Variants in SNX29 observed in about 807,000 individuals in gnomAD.
SNX29 encodes sorting nexin-29.
In SNX29, 78 loss-of-function variants were observed where a neutral mutation model predicts 102.1. The observed-to-expected ratio is 0.76, with a 90% CI of 0.64 to 0.92. The LOEUF (loss-of-function observed/expected upper bound fraction) is 0.92. SNX29 is among the 40% of genes least tolerant of loss of function. SNX29 has a pLI of 0.00. For synonymous variants in SNX29, 580 were observed against 414.5 expected (o/e 1.40, Z -4.85); for missense variants, 1,280 against 1,061.7 (o/e 1.21, Z -2.86).
At chr16:12,568,300 C>T (rs1489798524) in intron 20 of SNX29, among the ~76,000 whole-genome samples, 1 of 25,010 alleles carries the variant, frequency 4.0e-5, no homozygotes, top group East Asian at 6.6e-4. Context: ...CCTCGGAGTG[C>T]TGTTAAAAAA....
intron 19 of SNX29, among the ~76,000 whole-genome samples, chr16:12,479,229 T>C (rs1485333962): frequency 2.0e-5 from 3 of 152,234 alleles, no homozygotes; most frequent in African/African-American, 7.2e-5. Context: ...TGCCGTTCTA[T>C]CTTTTGACAA....
chr16:12,339,924 A>G (rs1596986515), intron 15 of SNX29, among the ~76,000 whole-genome samples: 3 of 152,310 alleles, frequency 2.0e-5, no homozygotes, highest in South Asian at 2.1e-4. Context: ...TCCCCAGATC[A>G]CTAGGAAGAG....
chr16:12,265,698 C>A (rs2078907003), intron 14 of SNX29, among the ~76,000 whole-genome samples: 1 of 60,634 alleles, frequency 1.6e-5, no homozygotes, highest in Admixed American at 2.1e-4. Context: ...TCAACTCTAC[C>A]AAAAAAAAAA....
intron 15 of SNX29, among the ~76,000 whole-genome samples, chr16:12,310,328 C>G (rs2080497113): frequency 1.3e-5 from 2 of 152,142 alleles, no homozygotes; most frequent in South Asian, 4.1e-4. Context: ...GGTTTTTATC[C>G]TAGAGAAAAG....
intron 20 of SNX29, among the ~76,000 whole-genome samples, chr16:12,541,928 A>G (rs1597847133): frequency 6.6e-6 from 1 of 152,192 alleles, no homozygotes; most frequent in South Asian, 2.1e-4. Flanking sequence ...TGCCCACGGT[A>G]CATCCTGGGC....
intron 14 of SNX29, among the ~76,000 whole-genome samples, chr16:12,200,932 G>C (rs1202716239): frequency 6.6e-6 from 1 of 152,216 alleles, no homozygotes; most frequent in East Asian, 1.9e-4. Context: ...AATGAATTCA[G>C]AGTTTCTAGT....
chr16:12,505,155 T>G (rs1487415070), intron 19 of SNX29, among the ~76,000 whole-genome samples: 3 of 152,224 alleles, frequency 2.0e-5, no homozygotes, highest in African/African-American at 7.2e-5. Flanking sequence ...GTGAATGTTT[T>G]TGGGTGGACA....
At chr16:12,563,082 A>G (rs2078821601) in intron 20 of SNX29, among the ~76,000 whole-genome samples, 1 of 150,348 alleles carries the variant, frequency 6.7e-6, no homozygotes, top group East Asian at 1.9e-4. Context: ...GAAATCCAGA[A>G]TGTTACATAG....
At chr16:12,541,980 G>A (rs1013190763) in intron 20 of SNX29, among the ~76,000 whole-genome samples, 2 of 152,174 alleles carry the variant, frequency 1.3e-5, no homozygotes, top group Non-Finnish European at 2.9e-5. Context: ...GACTTGGCTT[G>A]TCTTATGAGT....
At chr16:12,433,319 G>A (rs543467549) in intron 18 of SNX29, among the ~76,000 whole-genome samples, 5 of 152,114 alleles carry the variant, frequency 3.3e-5, no homozygotes, top group South Asian at 2.1e-4. Context: ...TTAGAAACTC[G>A]GCTCACAGGA....
intron 16 of SNX29, among the ~76,000 whole-genome samples, chr16:12,390,449 TG>T (rs2083489923): frequency 2.0e-5 from 3 of 152,188 alleles, no homozygotes; most frequent in African/African-American, 7.2e-5. Context: ...GACTGCTGTG[TG>T]GAGACTGTCT....
In SNX29 at chr16:11,979,485, C is replaced by T. The variant is rs1020545219; in HGVS notation, c.7+2672C>T. On this transcript the variant is annotated intron_variant, in intron 1 of 20. Coordinates refer to ENST00000566228, the MANE Select transcript of SNX29 (RefSeq NM_032167.5). The stretch of plus-strand genomic sequence containing the variant: ...GAATGCAGTTGAAAGTGGGTTTCCC[C>T]ACTTGTGGGGTGGGTAACTGGTACA... 2.6e-5 allele frequency among the ~76,000 whole-genome samples: 4 copies of T among 152,198 alleles called. No homozygotes were observed. The East Asian group carries it at 5.8e-4, about 22-fold the overall frequency.
chr16:12,364,217 T>TGTTAAGTTA (rs1567481923), intron 16 of SNX29, among the ~76,000 whole-genome samples: 1 of 149,070 alleles, frequency 6.7e-6, no homozygotes, highest in African/African-American at 2.5e-5. Context: ...TGTTATGTTA[T>TGTTAAGTTA]TTTTGTAGAG....
chr16:12,483,122 T>TTTTTTTG (rs2088039510), intron 19 of SNX29, among the ~76,000 whole-genome samples: 1 of 107,194 alleles, frequency 9.3e-6, no homozygotes, highest in Non-Finnish European at 1.8e-5. Context: ...AAGTTTTTTT[T>TTTTTTTG]TTTTTTTTTT....
At chr16:12,363,433 C>A (rs2082363036) in intron 16 of SNX29, among the ~76,000 whole-genome samples, 1 of 152,174 alleles carries the variant, frequency 6.6e-6, no homozygotes, top group Non-Finnish European at 1.5e-5. Flanking sequence ...GTTCGAGTGA[C>A]TCAGGGTCAG....
At chr16:12,227,899 T>TAAAAAAAA (rs59381762) in intron 14 of SNX29, among the ~76,000 whole-genome samples, 1 of 71,558 alleles carries the variant, frequency 1.4e-5, no homozygotes, top group African/African-American at 6.2e-5. Flanking sequence ...GACTCTGTCT[T>TAAAAAAAA]AAAAAAAAAA....
chr16:12,148,180 G>A (rs970398298), intron 13 of SNX29, among the ~76,000 whole-genome samples: 7 of 152,220 alleles, frequency 4.6e-5, no homozygotes, highest in South Asian at 2.1e-4. Context: ...TCTGAGACCC[G>A]AGAGAGCTCC....
intron 15 of SNX29, among the ~76,000 whole-genome samples, chr16:12,346,741 G>C (rs1452433437): frequency 1.3e-5 from 2 of 152,194 alleles, no homozygotes; most frequent in African/African-American, 2.4e-5. Context: ...CACCAGGAAG[G>C]TGTTGGCTGC....
At chr16:12,224,881 C>G (rs151236596) in intron 14 of SNX29, among the ~76,000 whole-genome samples, 52 of 152,216 alleles carry the variant, frequency 3.4e-4, no homozygotes, top group African/African-American at 1.1e-3. Context: ...ACTGTGGATT[C>G]AGATCTGTGG....
Sources: allele counts gnomAD v4.1 joint callset (sites outside exome capture counted in the v4.1 genomes callset), GRCh38; gene constraint gnomAD v4.1.1; transcripts MANE v1.5; gene names NCBI Gene and HGNC (gene_info 2026-07-23, HGNC 2026-07-21).